CCBE1: variants seen among roughly 807,000 people sequenced by gnomAD.
The protein encoded by CCBE1 is collagen and calcium binding EGF domains 1.
A neutral mutation model predicts 50.0 loss-of-function variants in CCBE1; 37 were observed. That is an observed-to-expected ratio of 0.74 (90% CI 0.57 to 0.97). CCBE1 has a LOEUF of 0.97. Among genes scored for constraint, CCBE1 ranks in the 50% least tolerant of loss-of-function variants. The pLI is 0.00. For missense variants in CCBE1, 538 were observed against 523.8 expected, an observed-to-expected ratio of 1.03 and a Z score of -0.26; for synonymous variants, 234 against 203.7, an observed-to-expected ratio of 1.15 and a Z score of -1.27.
chr18:59,484,008 A>G (rs1402154362), intron 2 of CCBE1, among the ~76,000 whole-genome samples: 1 of 152,222 alleles, frequency 6.6e-6, no homozygotes, highest in East Asian at 1.9e-4. Context: ...AAACTAAATT[A>G]TAATTTTACA....
chr18:59,549,514 A>G (rs1013605488), intron 2 of CCBE1, among the ~76,000 whole-genome samples: 5 of 152,208 alleles, frequency 3.3e-5, no homozygotes, highest in African/African-American at 1.2e-4. Context: ...CATCTGGTGC[A>G]CCGGGGCTCA....
At chr18:59,693,996 C>T (rs2054772226) in intron 2 of CCBE1, among the ~76,000 whole-genome samples, 1 of 151,276 alleles carries the variant, frequency 6.6e-6, no homozygotes, top group South Asian at 2.1e-4. Flanking sequence ...CTCAGCCTCC[C>T]AAGTAGATGG....
chr18:59,697,404 C>T lies in CCBE1; in HGVS notation c.-62G>A. 1 of 1,511,818 alleles carries T rather than the reference C, an allele frequency of 6.6e-7. No individual in the cohort carries two copies. The allele number at this position is 1,511,818 out of a possible 1,614,324, so 93.7% of individuals were successfully genotyped here. A position where few individuals can be genotyped will look rare whatever the true frequency, so the allele number is the denominator to read the frequency against. On this transcript the variant is annotated 5_prime_UTR_variant, in exon 1 of 11. Transcript: ENST00000439986. ...CGTCCGGACCAAGCGTCCTGCTCCT[C>T]CGCGGCCGCCGCCGCCTTCCCTCTT...
At chr18:59,533,937 C>G (rs1915145996) in intron 2 of CCBE1, among the ~76,000 whole-genome samples, 1 of 152,144 alleles carries the variant, frequency 6.6e-6, no homozygotes, top group Admixed American at 6.5e-5. Flanking sequence ...TGGCAATCAC[C>G]AAGTGTTTCT....
chr18:59,462,373 G>A (rs1436680730), intron 5 of CCBE1: 2 of 152,134 alleles, frequency 1.3e-5, no homozygotes, highest in Non-Finnish European at 2.9e-5. Flanking sequence ...CTTGTGATAT[G>A]TCTGTAGGAA....
chr18:59,448,097 G>A lies in CCBE1; in HGVS notation c.661C>T (p.Leu221=). 2 of 1,614,106 alleles carry A rather than the reference G, an allele frequency of 1.2e-6. No homozygotes were observed. The highest frequency in any genetic ancestry group is 1.7e-6 in the Non-Finnish European group (2 of 1,180,028). ...TVLQLKQKIA[L]LPNNAADLGK... is the part of the protein sequence containing the mutation. ...AGGTCAGCTGCATTGTTGGGGAGCA[G>A]AGCAATCTGCAAGGAGAAGAGGAAG... Residue 221 remains leucine (L), a synonymous_variant, in exon 7 of 11, where the codon CTG becomes TTG. Coordinates refer to ENST00000439986, the MANE Select transcript of CCBE1 (RefSeq NM_133459.4).
At chr18:59,693,603 A>T (rs2054766248) in intron 2 of CCBE1, among the ~76,000 whole-genome samples, 1 of 152,168 alleles carries the variant, frequency 6.6e-6, no homozygotes, top group African/African-American at 2.4e-5. Flanking sequence ...ATGACTTTGA[A>T]CTCAATCATA....
intron 2 of CCBE1, among the ~76,000 whole-genome samples, chr18:59,489,799 G>C (rs1913004220): frequency 6.6e-6 from 1 of 151,580 alleles, no homozygotes; most frequent in African/African-American, 2.4e-5. Flanking sequence ...CTCCCTAAAT[G>C]AATTTTCTAC....
intron 2 of CCBE1, among the ~76,000 whole-genome samples, chr18:59,633,646 G>T (rs780261768): frequency 3.3e-4 from 50 of 151,978 alleles, no homozygotes; most frequent in Non-Finnish European, 6.2e-4. Context: ...TGAGAGAACT[G>T]TCTACATTGT....
chr18:59,594,958 A>C (rs938816024), intron 2 of CCBE1, among the ~76,000 whole-genome samples: 3 of 152,040 alleles, frequency 2.0e-5, no homozygotes, highest in Admixed American at 2.0e-4. Context: ...CTAAAAATAC[A>C]AAAATTAACC....
At chr18:59,569,119 T>C (rs1020936020) in intron 2 of CCBE1, among the ~76,000 whole-genome samples, 2 of 152,078 alleles carry the variant, frequency 1.3e-5, no homozygotes, top group African/African-American at 4.8e-5. Flanking sequence ...TTCAAACAAT[T>C]CTCCTCACAT....
intron 2 of CCBE1, among the ~76,000 whole-genome samples, chr18:59,511,869 G>C (rs901714233): frequency 6.6e-6 from 1 of 152,132 alleles, no homozygotes; most frequent in Non-Finnish European, 1.5e-5. Flanking sequence ...TCAAAAAGAG[G>C]CAAAATGGAA....
intron 2 of CCBE1, among the ~76,000 whole-genome samples, chr18:59,531,338 A>C (rs1185740072): frequency 6.6e-6 from 1 of 152,154 alleles, no homozygotes; most frequent in Non-Finnish European, 1.5e-5. Context: ...ATTTACTTTC[A>C]ACCACATGTG....
At chr18:59,626,939 C>T (rs2053792834) in intron 2 of CCBE1, among the ~76,000 whole-genome samples, 1 of 152,236 alleles carries the variant, frequency 6.6e-6, no homozygotes. Context: ...TCTTCAGCCT[C>T]TCCACAAGCT....
intron 2 of CCBE1, among the ~76,000 whole-genome samples, chr18:59,605,468 A>G (rs141485125): frequency 2.6e-5 from 4 of 152,342 alleles, no homozygotes; most frequent in Middle Eastern, 3.4e-3. Flanking sequence ...TGGCAGAGGC[A>G]TCATGCCAAG....
At chr18:59,470,728 C>T (rs571132278) in intron 3 of CCBE1, among the ~76,000 whole-genome samples, 3 of 152,250 alleles carry the variant, frequency 2.0e-5, no homozygotes, top group Admixed American at 6.5e-5. Flanking sequence ...ACTCCCGGAC[C>T]GGAGCCAGCA....
In CCBE1 at chr18:59,431,430, G is replaced by A. The variant is rs1250923960; in HGVS notation, c.*4478C>T. On this transcript the variant is annotated 3_prime_UTR_variant, in exon 11 of 11. Transcript: ENST00000439986. ...CTCCAATAACTTTCCTTTTCAGGAA[G>A]GTTATTTGACAGATGTTAAGTCTGC... 1 of 152,148 alleles carries A rather than the reference G, an allele frequency of 6.6e-6. No homozygotes were observed. The highest frequency in any genetic ancestry group is 6.5e-5 in the Admixed American group (1 of 15,274). The allele number at this position is 152,148 out of a possible 1,614,324, so 9.4% of individuals were successfully genotyped here.
chr18:59,509,708 A>G (rs905577248), intron 2 of CCBE1, among the ~76,000 whole-genome samples: 4 of 152,200 alleles, frequency 2.6e-5, no homozygotes, highest in African/African-American at 9.7e-5. Context: ...ATCTTCATAC[A>G]GGAGGGAACT....
chr18:59,676,533 C>T (rs1030764758), intron 2 of CCBE1, among the ~76,000 whole-genome samples: 3 of 152,156 alleles, frequency 2.0e-5, no homozygotes, highest in African/African-American at 7.2e-5. Flanking sequence ...AATAAACATG[C>T]CTCTATTTCA....
Sources: allele counts gnomAD v4.1 joint callset (sites outside exome capture counted in the v4.1 genomes callset), GRCh38; gene constraint gnomAD v4.1.1; transcripts MANE v1.5; gene names NCBI Gene and HGNC (gene_info 2026-07-23, HGNC 2026-07-21).